SLC44A5: variants seen among roughly 807,000 people sequenced by gnomAD.
SLC44A5 encodes the protein solute carrier family 44 member 5, also known as choline transporter-like protein 5.
Under a neutral mutation model 101.8 loss-of-function variants are expected in SLC44A5, and 57 were observed. The ratio of observed to expected loss-of-function variants is 0.56; its 90% CI spans 0.45 to 0.70. The LOEUF (loss-of-function observed/expected upper bound fraction) is 0.70, where lower values mean the gene tolerates loss of function less well. Among genes scored for constraint, SLC44A5 ranks in the 30% least tolerant of loss-of-function variants. SLC44A5 has a pLI of 0.00. For synonymous variants in SLC44A5, 281 were observed against 290.9 expected (o/e 0.97, Z 0.35); for missense variants, 737 against 853.1 (o/e 0.86, Z 1.70).
At chr1:75,264,541 T>A (rs1242786317) in intron 6 of SLC44A5, among the ~76,000 whole-genome samples, 1 of 152,234 alleles carries the variant, frequency 6.6e-6, no homozygotes, top group Non-Finnish European at 1.5e-5. Flanking sequence ...TGCTTCTGAA[T>A]GACCGTTAGG....
intron 4 of SLC44A5, among the ~76,000 whole-genome samples, chr1:75,318,360 TC>T (rs1422513807): frequency 7.4e-6 from 1 of 135,246 alleles, no homozygotes; most frequent in African/African-American, 2.9e-5. Context: ...CTGGGCAAAA[TC>T]CCATCTCTTG....
intron 2 of SLC44A5, among the ~76,000 whole-genome samples, chr1:75,397,543 A>G (rs1434147033): frequency 1.3e-5 from 2 of 152,110 alleles, no homozygotes; most frequent in African/African-American, 2.4e-5. Flanking sequence ...AATAATAATA[A>G]CGATAATTAA....
At chr1:75,714,731 C>T in the SLC44A5 span, among the ~76,000 whole-genome samples, 3 of 152,188 alleles carry the variant, frequency 2.0e-5, no homozygotes, top group Non-Finnish European at 2.9e-5. Flanking sequence ...GGCTGGAGTG[C>T]AGTGGCGCGA....
chr1:75,510,725 G>A (rs1043855787), intron 2 of SLC44A5, among the ~76,000 whole-genome samples: 2 of 152,164 alleles, frequency 1.3e-5, no homozygotes, highest in Non-Finnish European at 2.9e-5. Context: ...GCTAAATTCA[G>A]TGCATCTCAT....
chr1:75,288,786 TA>T (rs1158494032), intron 5 of SLC44A5, among the ~76,000 whole-genome samples: 56 of 152,208 alleles, frequency 3.7e-4, no homozygotes, highest in African/African-American at 1.2e-3. Context: ...GATAAGTGGA[TA>T]ACCTTCAGGG....
chr1:75,562,031 T>C (rs1002790061), intron 1 of SLC44A5, among the ~76,000 whole-genome samples: 1 of 151,880 alleles, frequency 6.6e-6, no homozygotes, highest in African/African-American at 2.4e-5. Context: ...TAAAATAATA[T>C]GTACAAAAAA....
At chr1:75,286,762 A>G (rs1194082818) in intron 5 of SLC44A5, among the ~76,000 whole-genome samples, 2 of 151,810 alleles carry the variant, frequency 1.3e-5, no homozygotes, top group Non-Finnish European at 2.9e-5. Flanking sequence ...TTGTTTAAGG[A>G]GCCTAAAGAT....
At chr1:75,596,564 G>C (rs1323034676) in intron 1 of SLC44A5, among the ~76,000 whole-genome samples, 1 of 152,014 alleles carries the variant, frequency 6.6e-6, no homozygotes, top group Non-Finnish European at 1.5e-5. Context: ...GCAAAATACG[G>C]TCAAACCAGA....
chr1:75,632,938 T>C, the SLC44A5 span, among the ~76,000 whole-genome samples: 1 of 152,204 alleles, frequency 6.6e-6, no homozygotes, highest in South Asian at 2.1e-4. Context: ...GCCCTCATTA[T>C]TATTTGGTGG....
intron 5 of SLC44A5, among the ~76,000 whole-genome samples, chr1:75,279,630 G>A (rs1002436075): frequency 6.6e-6 from 1 of 151,646 alleles, no homozygotes; most frequent in Non-Finnish European, 1.5e-5. Context: ...CCTTTTTTTT[G>A]TTCTTCAGAA....
At chr1:75,685,506 G>C in the SLC44A5 span, among the ~76,000 whole-genome samples, 1 of 152,098 alleles carries the variant, frequency 6.6e-6, no homozygotes, top group Non-Finnish European at 1.5e-5. Context: ...ATGGTATTAA[G>C]AGCACTTTTG....
chr1:75,654,445 A>G, the SLC44A5 span, among the ~76,000 whole-genome samples: 1 of 152,214 alleles, frequency 6.6e-6, no homozygotes, highest in East Asian at 1.9e-4. Context: ...TTCCAAGCAC[A>G]CCATCAAGCA....
intron 4 of SLC44A5, among the ~76,000 whole-genome samples, chr1:75,311,396 C>T (rs542024301): frequency 1.3e-5 from 2 of 152,248 alleles, no homozygotes; most frequent in Non-Finnish European, 2.9e-5. Context: ...GGATTACAGG[C>T]GTGAGCCACC....
chr1:75,215,703 G>T, intron 19 of SLC44A5, 51 bp downstream of exon 19: 1 of 1,087,612 alleles, frequency 9.2e-7, no homozygotes, highest in Non-Finnish European at 1.4e-6. Flanking sequence ...TAGACACAAG[G>T]TTTGGGATTG....
chr1:75,356,209 CAAAAAAAAAA>C (rs35660365), intron 3 of SLC44A5, among the ~76,000 whole-genome samples: 1 of 76,108 alleles, frequency 1.3e-5, no homozygotes, highest in Admixed American at 1.8e-4. Flanking sequence ...AAGACTGCCT[CAAAAAAAAAA>C]AAAAAAAAAA....
intron 1 of SLC44A5, among the ~76,000 whole-genome samples, chr1:75,576,282 C>T (rs1000652022): frequency 3.3e-5 from 5 of 150,314 alleles, no homozygotes; most frequent in Non-Finnish European, 5.9e-5. Flanking sequence ...AGAGAGAAAC[C>T]AAAATACTTA....
At chr1:75,237,884 A>G (rs1332655740) in intron 10 of SLC44A5, among the ~76,000 whole-genome samples, 1 of 150,516 alleles carries the variant, frequency 6.6e-6, no homozygotes, top group African/African-American at 2.4e-5. Context: ...TTTTTTATCT[A>G]TAATTCAACA....
At position 75,282,199 on chromosome 1, in the gene SLC44A5, G is replaced by GA. The variant is rs202059042; in HGVS notation, c.176-7158dup. On this transcript the variant is annotated intron_variant, in intron 5 of 23. Coordinates refer to ENST00000370859, the MANE Select transcript of SLC44A5 (RefSeq NM_001130058.2). Reference sequence around the variant, plus strand: ...CCTGGATGTGAGACATAGAATCAAAGAAAATCGTTTCAAAACTTTAAGGTT... The same window carrying GA: ...CCTGGATGTGAGACATAGAATCAAAGAAAAATCGTTTCAAAACTTTAAGGTT... Among the ~76,000 whole-genome samples the GA allele has an allele frequency of 4.6e-3, 708 of 152,294 alleles. 7 individuals are homozygous for GA. Among genetic ancestry groups the GA allele is most frequent in the African/African-American group, 0.016 (663 of 41,572 alleles).
At chr1:75,211,586 A>C in intron 22 of SLC44A5, 34 bp from the exon 23 acceptor site, 3 of 1,441,904 alleles carry the variant, frequency 2.1e-6, no homozygotes, top group Non-Finnish European at 2.9e-6. Context: ...CCAACATGTC[A>C]TTTACTTTGA....
Sources: gnomAD v4.1 joint callset for allele counts (sites outside exome capture counted in the v4.1 genomes callset) on GRCh38, gnomAD v4.1.1 for gene constraint, MANE v1.5 for transcripts, NCBI Gene and HGNC (gene_info 2026-07-23, HGNC 2026-07-21) for gene names.